The following VANGL1 variants were observed in gnomAD, a reference collection of about 807,000 sequenced individuals.
VANGL1 encodes the protein VANGL planar cell polarity protein 1.
Under a neutral mutation model 48.4 loss-of-function variants are expected in VANGL1, and 18 were observed. The ratio of observed to expected loss-of-function variants is 0.37; its 90% CI spans 0.26 to 0.55. The LOEUF is 0.55. Ranked by LOEUF, VANGL1 falls within the 20% of genes least tolerant of loss-of-function variation. VANGL1 has a pLI of 0.81. For missense variants in VANGL1, 667 were observed against 675.8 expected (o/e 0.99, Z 0.14); for synonymous variants, 257 against 261.8 (o/e 0.98, Z 0.18).
In VANGL1 at chr1:115,671,725, AGGTTTGTGCC is replaced by A. The variant is rs1652983234; in HGVS notation, c.812+7459_812+7468del. ...TGTGTAAGGAAATGGCAGCATGGCG[AGGTTTGTGCC>A]GCGGCCTACAAGCAGGGCTGCATGC... On this transcript the variant is annotated intron_variant, in intron 4 of 7. Transcript: ENST00000355485. Among the ~76,000 whole-genome samples, 8 of 152,102 alleles carry A rather than the reference AGGTTTGTGCC, an allele frequency of 5.3e-5. 1 individual carries two copies. In the South Asian group the frequency reaches 1.7e-3, roughly 32 times the overall value.
chr1:115,661,657 G>T (rs188763391), intron 3 of VANGL1, among the ~76,000 whole-genome samples: 2 of 151,802 alleles, frequency 1.3e-5, no homozygotes, highest in African/African-American at 2.4e-5. Context: ...TTGTTCTGTC[G>T]CCCAGGCTGG....
At chr1:115,655,087 G>A (rs1652292859) in intron 2 of VANGL1, among the ~76,000 whole-genome samples, 1 of 152,168 alleles carries the variant, frequency 6.6e-6, no homozygotes, top group Non-Finnish European at 1.5e-5. Flanking sequence ...TTGTTTCAAG[G>A]CTGCTTCAGA....
In VANGL1 at chr1:115,682,358, T is replaced by G; in HGVS notation, c.813-6T>G. ...CTTTGCATTAATTTTGTTCTTTTTTTCTCAGTATCCAGCGAGCAGCATTGG... is the reference window on the plus strand; with the variant it reads ...CTTTGCATTAATTTTGTTCTTTTTTGCTCAGTATCCAGCGAGCAGCATTGG... On this transcript the variant is annotated splice_polypyrimidine_tract_variant and splice_region_variant and intron_variant, in intron 4 of 7. Coordinates refer to ENST00000355485, the MANE Select transcript of VANGL1 (RefSeq NM_138959.3). 1 of 1,614,102 alleles carries G rather than the reference T, an allele frequency of 6.2e-7. No individual in the cohort carries two copies. Among genetic ancestry groups the G allele is most frequent in the Non-Finnish European group, 8.5e-7 (1 of 1,180,044 alleles).
intron 5 of VANGL1, among the ~76,000 whole-genome samples, chr1:115,682,914 G>T (rs556637486): frequency 6.6e-6 from 1 of 152,326 alleles, no homozygotes. Context: ...CTTACTCGTG[G>T]CTAGGAGCCG....
intron 7 of VANGL1, among the ~76,000 whole-genome samples, chr1:115,685,800 T>C (rs187133125): frequency 8.5e-4 from 129 of 152,210 alleles, no homozygotes; most frequent in African/African-American, 2.9e-3. Context: ...GGAATAGTGA[T>C]TAGGGGTGCA....
At chr1:115,667,042 G>C (rs1652819129) in intron 4 of VANGL1, among the ~76,000 whole-genome samples, 1 of 152,142 alleles carries the variant, frequency 6.6e-6, no homozygotes, top group Admixed American at 6.5e-5. Context: ...AGAGGGAGCG[G>C]GAATAGACAA....
At chr1:115,647,377 G>T (rs1235642798) in intron 1 of VANGL1, among the ~76,000 whole-genome samples, 1 of 152,148 alleles carries the variant, frequency 6.6e-6, no homozygotes, top group Non-Finnish European at 1.5e-5. Flanking sequence ...CATGAGTTTG[G>T]TTAATTTCTT....
intron 4 of VANGL1, among the ~76,000 whole-genome samples, chr1:115,669,951 C>T (rs1297541677): frequency 6.6e-6 from 1 of 152,114 alleles, no homozygotes; most frequent in East Asian, 1.9e-4. Context: ...TTTGTGGTCC[C>T]CCCAAATTCA....
chr1:115,667,789 G>A (rs528667964), intron 4 of VANGL1, among the ~76,000 whole-genome samples: 3 of 152,280 alleles, frequency 2.0e-5, no homozygotes, highest in Non-Finnish European at 4.4e-5. Flanking sequence ...CTTTATTTGA[G>A]GAGAAACCCA....
At chr1:115,686,477 A>G (rs1347172552) in intron 7 of VANGL1, among the ~76,000 whole-genome samples, 1 of 151,810 alleles carries the variant, frequency 6.6e-6, no homozygotes, top group Non-Finnish European at 1.5e-5. Flanking sequence ...AAGAAGTGTT[A>G]CAAGAAACAG....
intron 2 of VANGL1, among the ~76,000 whole-genome samples, chr1:115,656,555 T>G (rs1423956504): frequency 2.0e-5 from 3 of 152,250 alleles, no homozygotes; most frequent in Non-Finnish European, 4.4e-5. Context: ...TAAGAGGTTT[T>G]TAAAGTTTAA....
At chr1:115,667,004 T>C (rs1652817374) in intron 4 of VANGL1, among the ~76,000 whole-genome samples, 1 of 152,200 alleles carries the variant, frequency 6.6e-6, no homozygotes, top group Non-Finnish European at 1.5e-5. Context: ...TAAGGCCTTT[T>C]GTAAAGTGTA....
intron 2 of VANGL1, among the ~76,000 whole-genome samples, chr1:115,658,033 C>T (rs1270526439): frequency 6.6e-6 from 1 of 152,182 alleles, no homozygotes; most frequent in Non-Finnish European, 1.5e-5. Flanking sequence ...CTCACCAGGC[C>T]CCACCTCCAG....
chr1:115,687,727 G>GTGTA (rs1180407860), intron 7 of VANGL1, among the ~76,000 whole-genome samples: 1 of 135,022 alleles, frequency 7.4e-6, no homozygotes, highest in Non-Finnish European at 1.6e-5. Flanking sequence ...GTGTGTGTGT[G>GTGTA]TGTGTGTGTG....
At chr1:115,688,114 C>G (rs1319776341) in intron 7 of VANGL1, among the ~76,000 whole-genome samples, 1 of 137,558 alleles carries the variant, frequency 7.3e-6, no homozygotes, top group African/African-American at 2.7e-5. Flanking sequence ...TATTATCTTT[C>G]TCTATATATA....
At chr1:115,668,545 ATTG>A (rs1652870322) in intron 4 of VANGL1, among the ~76,000 whole-genome samples, 1 of 152,224 alleles carries the variant, frequency 6.6e-6, no homozygotes, top group Admixed American at 6.5e-5. Context: ...TATTTTATCT[ATTG>A]TTGTGTAACA....
chr1:115,685,951 C>T (rs191621336), intron 7 of VANGL1, among the ~76,000 whole-genome samples: 27 of 152,128 alleles, frequency 1.8e-4, no homozygotes, highest in Non-Finnish European at 3.1e-4. Flanking sequence ...ATAACTATCT[C>T]ATTTGTATGT....
At chr1:115,660,956 AAGGGGTC>A (rs1652524079) in intron 3 of VANGL1, among the ~76,000 whole-genome samples, 1 of 152,050 alleles carries the variant, frequency 6.6e-6, no homozygotes, top group South Asian at 2.1e-4. Flanking sequence ...GGAGTACTTG[AAGGGGTC>A]AGTTTCCTCC....
chr1:115,667,853 T>A (rs185567764), intron 4 of VANGL1, among the ~76,000 whole-genome samples: 1 of 152,342 alleles, frequency 6.6e-6, no homozygotes, highest in Non-Finnish European at 1.5e-5. Context: ...CATTTTTCAG[T>A]TTTGAAACCT....
Sources: allele counts gnomAD v4.1 joint callset (sites outside exome capture counted in the v4.1 genomes callset), GRCh38; gene constraint gnomAD v4.1.1; transcripts MANE v1.5; gene names NCBI Gene and HGNC (gene_info 2026-07-23, HGNC 2026-07-21).